The following ZNF469 variants were observed in gnomAD, a reference collection of about 807,000 sequenced individuals.
ZNF469 encodes the protein zinc finger protein 469.
ZNF469 carries 1 observed loss-of-function variant against 1.0 expected under a neutral mutation model. That is an observed-to-expected ratio of 1.00 (90% CI 0.35 to 4.73). ZNF469 has a LOEUF of 4.73. Ranked by LOEUF, ZNF469 falls within the 30% of genes most tolerant of loss-of-function variation. ZNF469 has a pLI of 0.16. For missense variants in ZNF469, 6,100 were observed against 5,356.3 expected (o/e 1.14, Z -4.33); for synonymous variants, 2,703 against 2,363.4 (o/e 1.14, Z -4.17).
At chr16:88,387,036 G>T (rs375025338) in intron 1 of ZNF469, among the ~76,000 whole-genome samples, 1 of 152,202 alleles carries the variant, frequency 6.6e-6, no homozygotes, top group African/African-American at 2.4e-5. Flanking sequence ...TGGGCAGGTT[G>T]TTCACTGCAC....
the ZNF469 span, among the ~76,000 whole-genome samples, chr16:88,303,489 C>G: frequency 6.6e-6 from 1 of 152,206 alleles, no homozygotes; most frequent in Non-Finnish European, 1.5e-5. Context: ...GCAGCAGCAC[C>G]TGGCCCTGGC....
chr16:88,432,998 T>A lies in ZNF469; in HGVS notation c.5528T>A (p.Leu1843His). The A allele has an allele frequency of 6.5e-7, 1 of 1,550,348 alleles. No homozygotes were observed. Among genetic ancestry groups the A allele is most frequent in the South Asian group, 1.2e-5 (1 of 84,062 alleles). ...TCTGCAGGCAGAGCAGGTGGGCACC[T>A]CCACCCCACGGCAGGGAGGCCTGGC... is the stretch of plus-strand genomic sequence containing the variant. ...GHSAGRAGGH[L>H]HPTAGRPGFE... The change falls in exon 3 of 3, where the codon CTC becomes CAC. Residue 1843 changes from leucine to histidine, a missense_variant. Coordinates refer to ENST00000565624, the MANE Select transcript of ZNF469 (RefSeq NM_001367624.2).
At chr16:88,148,825 A>G in the ZNF469 span, among the ~76,000 whole-genome samples, 418 of 152,258 alleles carry the variant, frequency 2.7e-3, 6 homozygotes, top group African/African-American at 9.1e-3. Context: ...TGAGTCCGGC[A>G]TGGAGCTGAG....
At chr16:88,213,112 T>TC in the ZNF469 span, among the ~76,000 whole-genome samples, 2 of 152,024 alleles carry the variant, frequency 1.3e-5, no homozygotes, top group African/African-American at 4.8e-5. Context: ...CTTTTTTTTT[T>TC]CTTTGAGATG....
At chr16:88,229,702 C>T in the ZNF469 span, among the ~76,000 whole-genome samples, 1 of 151,584 alleles carries the variant, frequency 6.6e-6, no homozygotes. Context: ...GTGGATGTCA[C>T]ACGTGTGTGC....
chr16:88,201,005 T>A, the ZNF469 span, among the ~76,000 whole-genome samples: 1 of 152,212 alleles, frequency 6.6e-6, no homozygotes, highest in South Asian at 2.1e-4. The surrounding 1 kb of genome is among the most constrained non-coding windows in gnomAD (Gnocchi z 5.0). Flanking sequence ...CTGACTCCCG[T>A]CTTTCTTTGG....
rs1906446329 is a variant in ZNF469, at chr16:88,434,726, A to G, written c.7256A>G (p.Gln2419Arg). ...CCAAGCAGCACAGCCAGTGACTTCCAGTCTGACTCCCCCCAAAGCCACAGA... is the reference window on the plus strand; with the variant it reads ...CCAAGCAGCACAGCCAGTGACTTCCGGTCTGACTCCCCCCAAAGCCACAGA... ...TAPSSTASDF[Q>R]SDSPQSHRNA... is the part of the protein sequence containing the mutation. The change falls in exon 3 of 3, where the codon CAG becomes CGG. Residue 2419 changes from glutamine (Q) to arginine (R), a missense_variant. Coordinates refer to ENST00000565624, the MANE Select transcript of ZNF469 (RefSeq NM_001367624.2). The G allele has an allele frequency of 1.9e-6, 3 of 1,550,250 alleles. No individual in the cohort carries two copies. The highest frequency in any genetic ancestry group is 2.7e-5 in the African/African-American group (2 of 73,034).
At chr16:88,217,329 C>G in the ZNF469 span, among the ~76,000 whole-genome samples, 5 of 152,298 alleles carry the variant, frequency 3.3e-5, no homozygotes, top group South Asian at 8.3e-4. Flanking sequence ...CTCCTTTGAG[C>G]TTTCTGATCC....
chr16:88,177,272 G>T, the ZNF469 span: 1 of 152,080 alleles, frequency 6.6e-6, no homozygotes, highest in African/African-American at 2.4e-5. The surrounding 1 kb of genome is among the most constrained non-coding windows in gnomAD (Gnocchi z 4.8). Context: ...CTTTCACTAC[G>T]CAAATGCAAG....
At chr16:88,212,557 C>T in the ZNF469 span, among the ~76,000 whole-genome samples, 1 of 151,910 alleles carries the variant, frequency 6.6e-6, no homozygotes, top group Non-Finnish European at 1.5e-5. Context: ...TTCTTTCTTT[C>T]CTTCTTTCTT....
chr16:88,403,952 C>T (rs868525040), intron 1 of ZNF469, among the ~76,000 whole-genome samples: 2 of 152,172 alleles, frequency 1.3e-5, no homozygotes, highest in South Asian at 2.1e-4. Flanking sequence ...TGGCTTCGGG[C>T]GGTGCTGCAG....
the ZNF469 span, among the ~76,000 whole-genome samples, chr16:88,226,244 C>G: frequency 6.6e-6 from 1 of 152,082 alleles, no homozygotes; most frequent in Non-Finnish European, 1.5e-5. Context: ...AAGGCTTCAC[C>G]CCCAGCACGC....
chr16:88,110,979 C>T, the ZNF469 span, among the ~76,000 whole-genome samples: 1 of 152,260 alleles, frequency 6.6e-6, no homozygotes, highest in African/African-American at 2.4e-5. Context: ...GCTCAGGCCC[C>T]CTTCACAGAT....
the ZNF469 span, among the ~76,000 whole-genome samples, chr16:88,278,649 C>G: frequency 4.6e-4 from 47 of 103,074 alleles, 7 homozygotes; most frequent in Non-Finnish European, 8.0e-4. Context: ...TTAGTGCTGC[C>G]TCACGCCGAT....
upstream of ZNF469, among the ~76,000 whole-genome samples, chr16:88,379,119 CAA>C (rs982977699): frequency 1.3e-4 from 20 of 152,292 alleles, no homozygotes; most frequent in African/African-American, 4.6e-4. Flanking sequence ...TTACATCAGG[CAA>C]AAGTCCAGGG....
At position 88,438,262 on chromosome 16, in the gene ZNF469, G is replaced by C; in HGVS notation, c.10792G>C (p.Gly3598Arg). The C allele has an allele frequency of 6.5e-7, 1 of 1,548,360 alleles. No individual in the cohort carries two copies. Among genetic ancestry groups the C allele is most frequent in the Non-Finnish European group, 8.7e-7 (1 of 1,145,666 alleles). ...GPLLQQALPL[G>R]ASLPRPGARG... Reference sequence around the variant, plus strand: ...TCTTCTCCAGCAAGCTCTCCCTCTGGGGGCATCTCTGCCGCGGCCGGGAGC... The same window carrying C: ...TCTTCTCCAGCAAGCTCTCCCTCTGCGGGCATCTCTGCCGCGGCCGGGAGC... The change falls in exon 3 of 3, where the codon GGG becomes CGG. Residue 3598 changes from glycine to arginine, a missense_variant. Physicochemically the swap from Gly to Arg is moderately radical, Grantham distance 125. Transcript: ENST00000565624.
the ZNF469 span, among the ~76,000 whole-genome samples, chr16:88,159,589 G>A: frequency 1.3e-5 from 2 of 152,192 alleles, no homozygotes; most frequent in African/African-American, 4.8e-5. Flanking sequence ...CCGCATTCTC[G>A]TCTCTAAATC....
rs1215429631 is a variant in ZNF469, at chr16:88,429,903, C to G, written c.2433C>G (p.Pro811=). 2.6e-6 allele frequency: 4 copies of G among 1,550,156 alleles called. No homozygotes were observed. In the African/African-American group the frequency reaches 4.1e-5, roughly 16 times the overall value. The change falls in exon 3 of 3, where the codon CCC becomes CCG. Residue 811 remains proline (P), a synonymous_variant. Transcript: ENST00000565624. ...GDAQAEGKDD[P]LRTGFLPSLA... is the part of the protein sequence containing the mutation. ...CCCAGGCCGAGGGCAAAGACGACCC[C>G]CTGAGGACAGGCTTCCTGCCCAGCC...
rs749693950 is a variant in ZNF469 at position 88,430,676 on chromosome 16, C to T, written c.3206C>T (p.Ala1069Val). 2.8e-5 allele frequency: 42 copies of T among 1,491,898 alleles called. No homozygotes were observed. Among genetic ancestry groups the T allele is most frequent in the Middle Eastern group, 1.9e-4 (1 of 5,204 alleles). 92.4% of individuals were successfully genotyped at this position (1,491,898 alleles called of 1,614,324 possible). ...CGCCACCGGCGGCTGGGGCGGCGGG[C>T]GGGCAGGTGCGGCTCCCTGGCGGCG... ...NRRHRRLGRR[A>V]GRCGSLAAGR... Residue 1069 changes from alanine to valine, a missense_variant, in exon 3 of 3, where the codon GCG becomes GTG. Ala to Val is a moderately conservative substitution (Grantham distance 64). Coordinates refer to ENST00000565624, the MANE Select transcript of ZNF469 (RefSeq NM_001367624.2).
Sources: gnomAD v4.1 joint callset for allele counts (sites outside exome capture counted in the v4.1 genomes callset) on GRCh38, gnomAD v4.1.1 for gene constraint, Gnocchi (gnomAD v3.1) non-coding constraint, MANE v1.5 for transcripts, NCBI Gene and HGNC (gene_info 2026-07-23, HGNC 2026-07-21) for gene names.